Variants in ASIC5 observed in about 807,000 individuals in gnomAD.
ASIC5 encodes the protein bile acid-sensitive ion channel.
A neutral mutation model predicts 51.2 loss-of-function variants in ASIC5; 52 were observed. That is an observed-to-expected ratio of 1.02 (90% confidence interval 0.81 to 1.28). The LOEUF (loss-of-function observed/expected upper bound fraction) is 1.28. Among genes scored for constraint, ASIC5 ranks in the 50% most tolerant of loss-of-function variants. ASIC5 has a pLI of 0.00. For missense variants in ASIC5, 635 were observed against 595.0 expected (o/e 1.07, Z -0.70); for synonymous variants, 231 against 200.7 (o/e 1.15, Z -1.28).
intron 8 of ASIC5, among the ~76,000 whole-genome samples, chr4:155,834,898 C>A (rs1323070305): frequency 1.3e-5 from 2 of 152,040 alleles, no homozygotes; most frequent in Non-Finnish European, 2.9e-5. Context: ...CCAAGGGGAG[C>A]TCGGCCGGGG....
At chr4:155,853,162 T>C (rs1447831830) in intron 3 of ASIC5, among the ~76,000 whole-genome samples, 1 of 152,104 alleles carries the variant, frequency 6.6e-6, no homozygotes, top group South Asian at 2.1e-4. Context: ...AACATGAAAT[T>C]TTTTGTTGGT....
intron 8 of ASIC5, among the ~76,000 whole-genome samples, chr4:155,834,984 G>T (rs1468948211): frequency 3.3e-5 from 5 of 152,038 alleles, no homozygotes; most frequent in Admixed American, 6.6e-5. Context: ...ACCCCCTTCT[G>T]GCTCCTGATC....
rs189334761 is a variant in ASIC5 at position 155,856,143 on chromosome 4, T to A, written c.348-1829A>T. On this transcript the variant is annotated intron_variant, in intron 2 of 9. Transcript: ENST00000537611. ...CCACATTCTTTCTATAATCTCAAGA[T>A]GATAAATAAGCCTCTGTATCCGGTT... Among the ~76,000 whole-genome samples the A allele has an allele frequency of 1.4e-3, 214 of 152,206 alleles. 4 individuals carry two copies. Among genetic ancestry groups the A allele is most frequent in the Admixed American group, 0.014 (214 of 15,260 alleles).
chr4:155,860,107 A>G (rs1741660355), intron 2 of ASIC5, among the ~76,000 whole-genome samples: 1 of 152,008 alleles, frequency 6.6e-6, no homozygotes, highest in Admixed American at 6.6e-5. Flanking sequence ...GGGTTATTTG[A>G]ATATAATCCA....
At position 155,843,934 on chromosome 4, in the gene ASIC5, C is replaced by T. The variant is rs563191990; in HGVS notation, c.712-104G>A. 3.9e-5 allele frequency: 39 copies of T among 1,007,904 alleles called. No individual in the cohort carries two copies. In the East Asian group the frequency reaches 9.9e-4, roughly 26 times the overall value. The allele number at this position is 1,007,904 out of a possible 1,614,324, so 62.4% of individuals were successfully genotyped here. On this transcript the variant is annotated intron_variant, in intron 4 of 9. Coordinates refer to ENST00000537611, the MANE Select transcript of ASIC5 (RefSeq NM_017419.3). The stretch of plus-strand genomic sequence containing the variant: ...ATCTCATGATAGCGTTTGACTAATC[C>T]TAAATATTTTATGTTATATTTCTAT...
intron 8 of ASIC5, among the ~76,000 whole-genome samples, chr4:155,834,637 TGGGTAGAAGA>T (rs1740937189): frequency 6.6e-6 from 1 of 152,174 alleles, no homozygotes; most frequent in African/African-American, 2.4e-5. Flanking sequence ...AGAAAAATAC[TGGGTAGAAGA>T]GGGCGGTTCC....
chr4:155,853,041 G>T (rs867889113), intron 3 of ASIC5, among the ~76,000 whole-genome samples: 48 of 152,092 alleles, frequency 3.2e-4, no homozygotes, highest in African/African-American at 1.1e-3. Flanking sequence ...ATTTTTTGAA[G>T]CCAGACCTAC....
chr4:155,842,415 A>T (rs1741141001), intron 5 of ASIC5, 61 bp from the exon 6 acceptor site: 24 of 1,432,716 alleles, frequency 1.7e-5, no homozygotes, highest in East Asian at 2.3e-5. Context: ...CTTATTTTCC[A>T]TCAAGAAGCT....
intron 6 of ASIC5, among the ~76,000 whole-genome samples, chr4:155,841,790 T>G (rs1473524112): frequency 6.6e-6 from 1 of 152,140 alleles, no homozygotes; most frequent in African/African-American, 2.4e-5. Flanking sequence ...ATATCGCAAT[T>G]TTCTCTTCCA....
chr4:155,863,567 C>T lies in ASIC5; in HGVS notation c.228G>A (p.Val76=), dbSNP rs368822672. Reference sequence around the variant, plus strand: ...GCAAGCGAATGTAGATCTGCCATGTCACAAGTGAGACTGAGCCCAGAACCA... The same window carrying T: ...GCAAGCGAATGTAGATCTGCCATGTTACAAGTGAGACTGAGCCCAGAACCA... ...LVVVLGSVSL[V]TWQIYIRLLN... Residue 76 remains valine, a synonymous_variant, in exon 2 of 10, where the codon GTG becomes GTA. Transcript: ENST00000537611. 3 of 1,613,794 alleles carry T rather than the reference C, an allele frequency of 1.9e-6. No homozygotes were observed. The African/African-American group carries it at 4.0e-5, about 22-fold the overall frequency.
At position 155,854,128 on chromosome 4, in the gene ASIC5, G is replaced by A. The variant is rs1278490816; in HGVS notation, c.534C>T (p.Asn178=). 11 of 1,613,360 alleles carry A rather than the reference G, an allele frequency of 6.8e-6. No individual in the cohort carries two copies. In the East Asian group the frequency reaches 1.1e-4, roughly 16 times the overall value. Residue 178 remains asparagine, a synonymous_variant, in exon 3 of 10, where the codon AAC becomes AAT. Transcript: ENST00000537611. The part of the protein sequence containing the change: ...EFIRNKGFYL[N]NSTLLDCEFF... ...ACTCACAGTCCAACAAAGTGCTATT[G>A]TTGAGATAAAAACCTTTGTTCCTGA...
At chr4:155,842,163 C>G in intron 6 of ASIC5, 44 bp downstream of exon 6, 1 of 1,583,104 alleles carries the variant, frequency 6.3e-7, no homozygotes, top group South Asian at 1.1e-5. Context: ...CTAAGAAACA[C>G]TTAACTGTCT....
At chr4:155,839,634 G>T (rs1016344413) in intron 6 of ASIC5, among the ~76,000 whole-genome samples, 1 of 151,970 alleles carries the variant, frequency 6.6e-6, no homozygotes, top group Non-Finnish European at 1.5e-5. Context: ...ATAACCAAAG[G>T]AGATTGTCCA....
At chr4:155,851,568 G>C (rs9917918) in intron 4 of ASIC5, among the ~76,000 whole-genome samples, 1 of 151,784 alleles carries the variant, frequency 6.6e-6, no homozygotes, top group Non-Finnish European at 1.5e-5. Flanking sequence ...TAAACAAAAG[G>C]TCAGAATTAA....
intron 3 of ASIC5, 26 bp from the exon 4 acceptor site, chr4:155,852,342 A>G (rs752296748): frequency 1.9e-6 from 3 of 1,568,090 alleles, no homozygotes; most frequent in African/African-American, 2.8e-5. Context: ...GAACCAAAAA[A>G]AACCATCAAT....
rs1203070524 is a variant in ASIC5 at position 155,831,875 on chromosome 4, T to A, written c.1276A>T (p.Asn426Tyr). 3.1e-6 allele frequency: 5 copies of A among 1,607,574 alleles called. No homozygotes were observed. The East Asian group carries it at 1.1e-4, about 36-fold the overall frequency. ...VKIEINYSDL[N>Y]YKITQQQKAV... ...TTTTGCTGCTGGGTTATCTTATAGT[T>A]TAGGTCACTATAGTTAATTTCAATT... is the stretch of plus-strand genomic sequence containing the variant. Residue 426 changes from asparagine to tyrosine, a missense_variant, in exon 9 of 10, where the codon AAC (asparagine) becomes TAC (tyrosine). By Grantham distance (143) the Asn-to-Tyr change is moderately radical (BLOSUM62 -2). Transcript: ENST00000537611.
intron 2 of ASIC5, among the ~76,000 whole-genome samples, chr4:155,857,815 G>A (rs979471874): frequency 6.6e-6 from 1 of 152,074 alleles, no homozygotes; most frequent in African/African-American, 2.4e-5. Flanking sequence ...TCTTCTTTGA[G>A]CAAATTTTAA....
intron 9 of ASIC5, among the ~76,000 whole-genome samples, chr4:155,830,919 T>C (rs1398661722): frequency 6.6e-6 from 1 of 152,236 alleles, no homozygotes; most frequent in Non-Finnish European, 1.5e-5. Context: ...TAATGAAGTA[T>C]AGGCTTCTCC....
intron 2 of ASIC5, among the ~76,000 whole-genome samples, chr4:155,862,097 AGT>A (rs1426768329): frequency 1.3e-5 from 2 of 152,118 alleles, no homozygotes; most frequent in East Asian, 3.9e-4. Flanking sequence ...CCATTCTGGA[AGT>A]AATATCTACA....
Sources: allele counts gnomAD v4.1 joint callset (sites outside exome capture counted in the v4.1 genomes callset), GRCh38; gene constraint gnomAD v4.1.1; transcripts MANE v1.5; gene names NCBI Gene and HGNC (gene_info 2026-07-23, HGNC 2026-07-21).